The following PCDH11Y variants were observed in gnomAD, a reference collection of about 807,000 sequenced individuals.
The protein encoded by PCDH11Y is protocadherin-11 Y-linked.
For synonymous variants in PCDH11Y, 9 were observed against 83.6 expected (o/e 0.11, Z 4.87); for missense variants, 12 against 224.8 (o/e 0.05, Z 6.05).
At chrY:5,288,330 T>C (rs2053062713) in intron 2 of PCDH11Y, among the ~76,000 whole-genome samples, 1 of 33,540 alleles carries the variant, frequency 3.0e-5, no homozygotes, top group Non-Finnish European at 7.3e-5. Context: ...TGTTTCTTCT[T>C]TGATGCCTTT....
At chrY:5,333,065 T>C (rs2053132620) in intron 2 of PCDH11Y, among the ~76,000 whole-genome samples, 1 of 33,820 alleles carries the variant, frequency 3.0e-5, no homozygotes. Context: ...AATCTGTCTA[T>C]ATAATGTTTC....
chrY:5,061,439 A>C, intron 1 of PCDH11Y, among the ~76,000 whole-genome samples: 2 of 32,603 alleles, frequency 6.1e-5, no homozygotes, highest in African/African-American at 1.2e-4. Flanking sequence ...GTTATTTATA[A>C]AGCTTTTTAA....
intron 2 of PCDH11Y, among the ~76,000 whole-genome samples, chrY:5,259,148 C>CT (rs2053014809): frequency 3.0e-5 from 1 of 33,289 alleles, no homozygotes; most frequent in Admixed American, 2.7e-4. Context: ...CACAGAATAT[C>CT]TTTTTTCATT....
chrY:5,666,991 C>T, intron 4 of PCDH11Y, among the ~76,000 whole-genome samples: 1 of 26,635 alleles, frequency 3.8e-5, no homozygotes, highest in Non-Finnish European at 8.6e-5. Flanking sequence ...CTCTGTTGCC[C>T]AGGCTGGAGT....
chrY:5,732,567 T>TTGTG (rs759694978), intron 4 of PCDH11Y, among the ~76,000 whole-genome samples: 16 of 28,199 alleles, frequency 5.7e-4, no homozygotes, highest in African/African-American at 2.4e-3. Context: ...GTTGTTGTTG[T>TTGTG]TGTGTGTGTG....
chrY:5,668,245 C>G, intron 4 of PCDH11Y, among the ~76,000 whole-genome samples: 3 of 32,832 alleles, frequency 9.1e-5, no homozygotes, highest in Non-Finnish European at 1.5e-4. Flanking sequence ...AAGCCTACAC[C>G]AGGTACATCT....
intron 3 of PCDH11Y, among the ~76,000 whole-genome samples, chrY:5,505,264 A>G: frequency 3.0e-5 from 1 of 33,220 alleles, no homozygotes; most frequent in Non-Finnish European, 7.6e-5. Context: ...ATTGCAGAGA[A>G]AAATCCCCCT....
At chrY:5,384,244 A>T in intron 2 of PCDH11Y, among the ~76,000 whole-genome samples, 2 of 32,181 alleles carry the variant, frequency 6.2e-5, no homozygotes, top group Non-Finnish European at 1.5e-4. Flanking sequence ...GTATTTTCAG[A>T]TGTGGATGTA....
intron 3 of PCDH11Y, among the ~76,000 whole-genome samples, chrY:5,049,263 A>G: frequency 3.2e-5 from 1 of 31,482 alleles, no homozygotes; most frequent in Non-Finnish European, 7.6e-5. Context: ...CTGTTTCTGC[A>G]CCAGTACCGT....
At chrY:5,298,868 G>A in intron 2 of PCDH11Y, among the ~76,000 whole-genome samples, 3 of 32,738 alleles carry the variant, frequency 9.2e-5, no homozygotes, top group Admixed American at 2.8e-4. Context: ...GTACAAAAAC[G>A]ATGGCAGTTT....
chrY:5,366,875 C>T (rs1602912552), intron 2 of PCDH11Y, among the ~76,000 whole-genome samples: 2 of 31,903 alleles, frequency 6.3e-5, no homozygotes, highest in East Asian at 1.6e-3. Context: ...CATGCGCCAC[C>T]ATATCCAGCT....
rs1569346866 is a variant in PCDH11Y, at chrY:5,512,767, T to C, written c.3328+11512T>C. ...TGATAAACTGAGGCATTAAAATAAC[T>C]CATGACAATCTGTCCTAAAGCCTCA... On this transcript the variant is annotated intron_variant, in intron 3 of 4. Coordinates refer to the PCDH11Y transcript ENST00000400457. Among the ~76,000 whole-genome samples, 18 of 32,882 alleles carry C rather than the reference T, an allele frequency of 5.5e-4. No individual in the cohort carries two copies. The East Asian group carries it at 0.014, about 25-fold the overall frequency. 88.2% of individuals were successfully genotyped at this position (32,882 alleles called of 37,273 possible). A position where few individuals can be genotyped will look rare whatever the true frequency, so the allele number is the denominator to read the frequency against.
chrY:5,483,112 T>C, intron 2 of PCDH11Y, among the ~76,000 whole-genome samples: 1 of 32,237 alleles, frequency 3.1e-5, no homozygotes, highest in Non-Finnish European at 7.5e-5. Context: ...TAGTGTACTT[T>C]TAATTCAACA....
intron 2 of PCDH11Y, among the ~76,000 whole-genome samples, chrY:5,224,495 T>A: frequency 3.2e-5 from 1 of 31,353 alleles, no homozygotes; most frequent in Non-Finnish European, 7.7e-5. Flanking sequence ...AAATATAACA[T>A]TGGCTTTCGT....
chrY:5,682,758 T>C (rs1602959568), intron 4 of PCDH11Y, among the ~76,000 whole-genome samples: 15 of 32,380 alleles, frequency 4.6e-4, no homozygotes, highest in African/African-American at 1.8e-3. Context: ...TTTAAAGTAC[T>C]GAAGGAAAAA....
chrY:5,398,461 C>A, intron 2 of PCDH11Y, among the ~76,000 whole-genome samples: 1 of 32,374 alleles, frequency 3.1e-5, no homozygotes, highest in East Asian at 8.1e-4. Flanking sequence ...TTCTTTACTA[C>A]GCTTTGGAGA....
At chrY:5,706,031 G>A in intron 4 of PCDH11Y, among the ~76,000 whole-genome samples, 1 of 26,648 alleles carries the variant, frequency 3.8e-5, no homozygotes, top group Non-Finnish European at 8.9e-5. Context: ...ACTCTACACA[G>A]AAGCCTTTTT....
At chrY:5,442,300 G>A in intron 2 of PCDH11Y, among the ~76,000 whole-genome samples, 1 of 32,724 alleles carries the variant, frequency 3.1e-5, no homozygotes, top group African/African-American at 1.2e-4. Context: ...TCTTGCCTTA[G>A]CTTATTGCTT....
At chrY:5,206,920 G>A in intron 2 of PCDH11Y, among the ~76,000 whole-genome samples, 15 of 30,307 alleles carry the variant, frequency 4.9e-4, no homozygotes, top group African/African-American at 6.6e-4. Context: ...CTTACAAAGC[G>A]CCTACATATT....
Sources: gnomAD v4.1 joint callset for allele counts (sites outside exome capture counted in the v4.1 genomes callset) on GRCh38, gnomAD v4.1.1 for gene constraint, MANE v1.5 for transcripts, NCBI Gene and HGNC (gene_info 2026-07-23, HGNC 2026-07-21) for gene names.